STAG1: variants seen among roughly 807,000 people sequenced by gnomAD.
STAG1 encodes STAG1 cohesin complex component.
STAG1 carries 26 observed loss-of-function variants against 170.9 expected under a neutral mutation model. The ratio of observed to expected loss-of-function variants is 0.15; its 90% CI spans 0.11 to 0.21. The LOEUF (loss-of-function observed/expected upper bound fraction) is 0.21, where lower values mean the gene tolerates loss of function less well. Ranked by LOEUF, STAG1 falls within the 10% of genes least tolerant of loss-of-function variation. The pLI, the probability that STAG1 is intolerant of heterozygous loss-of-function variation, is 1.00. For synonymous variants in STAG1, 514 were observed against 497.7 expected (o/e 1.03, Z -0.44); for missense variants, 964 against 1,509.5 (o/e 0.64, Z 5.99).
intron 1 of STAG1, among the ~76,000 whole-genome samples, chr3:136,664,272 G>A (rs1941680021): frequency 1.3e-5 from 2 of 152,110 alleles, no homozygotes; most frequent in South Asian, 4.1e-4. Flanking sequence ...ATATACATGT[G>A]TGTACTAAAT....
chr3:136,677,783 G>A (rs1423690972), intron 1 of STAG1, among the ~76,000 whole-genome samples: 1 of 151,514 alleles, frequency 6.6e-6, no homozygotes, highest in Admixed American at 6.6e-5. Flanking sequence ...AAATTACTCA[G>A]TATAAGGTAT....
intron 20 of STAG1, among the ~76,000 whole-genome samples, chr3:136,420,007 G>A (rs1049423152): frequency 6.6e-6 from 1 of 151,946 alleles, no homozygotes; most frequent in Non-Finnish European, 1.5e-5. Flanking sequence ...CAGCACTTTG[G>A]GAGGCCGAGT....
chr3:136,579,958 ATTTTT>A (rs749325884), intron 4 of STAG1, among the ~76,000 whole-genome samples: 34 of 73,644 alleles, frequency 4.6e-4, no homozygotes, highest in Non-Finnish European at 7.1e-4. Context: ...TACCATCTGA[ATTTTT>A]TTTTTTTTTT....
At chr3:136,521,765 G>T (rs532926384) in intron 6 of STAG1, among the ~76,000 whole-genome samples, 1 of 152,188 alleles carries the variant, frequency 6.6e-6, no homozygotes, top group East Asian at 1.9e-4. Flanking sequence ...AAGGATGATT[G>T]CCAGTTGAAT....
At chr3:136,495,711 A>G (rs751218632) in intron 9 of STAG1, among the ~76,000 whole-genome samples, 9 of 151,984 alleles carry the variant, frequency 5.9e-5, no homozygotes, top group Non-Finnish European at 1.2e-4. Context: ...GCTCATACCT[A>G]TAATTCCAGC....
chr3:136,692,170 C>T (rs533982748), intron 1 of STAG1, among the ~76,000 whole-genome samples: 3 of 151,154 alleles, frequency 2.0e-5, no homozygotes, highest in South Asian at 4.2e-4. Flanking sequence ...AAAAATTAGC[C>T]GGGCATGATG....
intron 4 of STAG1, among the ~76,000 whole-genome samples, chr3:136,597,398 G>A (rs1938478489): frequency 6.6e-6 from 1 of 152,138 alleles, no homozygotes. Flanking sequence ...AGTCTCCAAA[G>A]GAGAATCTGT....
At chr3:136,467,101 A>T (rs2089485537) in intron 12 of STAG1, among the ~76,000 whole-genome samples, 1 of 152,234 alleles carries the variant, frequency 6.6e-6, no homozygotes, top group Non-Finnish European at 1.5e-5. Flanking sequence ...TCAACTAATG[A>T]GCAAAATAAC....
chr3:136,448,539 G>A (rs28396702), intron 14 of STAG1, among the ~76,000 whole-genome samples: 56,881 of 152,008 alleles, frequency 0.37, 11,794 homozygotes, highest in African/African-American at 0.56. Context: ...TTATGATACA[G>A]TTATCTCCAC....
At chr3:136,688,905 G>C (rs1332468625) in intron 1 of STAG1, among the ~76,000 whole-genome samples, 1 of 152,118 alleles carries the variant, frequency 6.6e-6, no homozygotes, top group East Asian at 1.9e-4. Context: ...AAAGCTGTTA[G>C]GTTTCCATAA....
At chr3:136,593,986 A>G (rs1012273734) in intron 4 of STAG1, among the ~76,000 whole-genome samples, 1 of 152,186 alleles carries the variant, frequency 6.6e-6, no homozygotes, top group African/African-American at 2.4e-5. Context: ...ATTTGTTTAT[A>G]ATTACAATCC....
At chr3:136,526,998 C>T (rs575724947) in intron 6 of STAG1, among the ~76,000 whole-genome samples, 2 of 152,228 alleles carry the variant, frequency 1.3e-5, no homozygotes, top group East Asian at 1.9e-4. Flanking sequence ...GTGGGTAACC[C>T]GACCTTTCAC....
At chr3:136,547,233 A>G (rs891339617) in intron 5 of STAG1, among the ~76,000 whole-genome samples, 17 of 152,174 alleles carry the variant, frequency 1.1e-4, no homozygotes, top group African/African-American at 3.6e-4. Flanking sequence ...TATTGTTAAC[A>G]CCTAACATTA....
chr3:136,576,116 C>T (rs1937447625), intron 4 of STAG1, among the ~76,000 whole-genome samples: 1 of 152,024 alleles, frequency 6.6e-6, no homozygotes, highest in Non-Finnish European at 1.5e-5. Context: ...TATAAAGGAA[C>T]GTTTCACTAA....
At chr3:136,472,747 C>T (rs760416221) in intron 11 of STAG1, among the ~76,000 whole-genome samples, 24 of 152,206 alleles carry the variant, frequency 1.6e-4, no homozygotes, top group Admixed American at 1.2e-3. Flanking sequence ...TACAAAATTA[C>T]TATCTTTATA....
At chr3:136,486,715 T>G (rs1349610984) in intron 9 of STAG1, among the ~76,000 whole-genome samples, 1 of 152,152 alleles carries the variant, frequency 6.6e-6, no homozygotes, top group East Asian at 1.9e-4. Context: ...AGTGAAATCA[T>G]TCTTCCATCT....
chr3:136,521,125 T>C (rs1934649592), intron 7 of STAG1, 88 bp downstream of exon 7: 2 of 1,091,354 alleles, frequency 1.8e-6, no homozygotes, highest in Non-Finnish European at 2.6e-6. Flanking sequence ...ATTAAATTTT[T>C]AATTAAATCT....
In STAG1 at chr3:136,396,255, G is replaced by A. The variant is rs1019622895; in HGVS notation, c.2277+2494C>T. ...TTTTGAGACAGAGTCTCGCTCTGTC[G>A]CCCAGGCGGGGGTGCAGCCACGCGA... On this transcript the variant is annotated intron_variant, in intron 22 of 33. Transcript: ENST00000383202. Among the ~76,000 whole-genome samples the A allele has an allele frequency of 5.5e-5, 7 of 127,506 alleles. No individual in the cohort carries two copies. The East Asian group carries it at 1.2e-3, about 22-fold the overall frequency. The allele number at this position is 127,506 out of a possible 152,430, so 83.6% of individuals were successfully genotyped here. A position where few individuals can be genotyped will look rare whatever the true frequency, so the allele number is the denominator to read the frequency against.
At chr3:136,551,641 C>G (rs183652928) in intron 5 of STAG1, among the ~76,000 whole-genome samples, 218 of 151,282 alleles carry the variant, frequency 1.4e-3, no homozygotes, top group African/African-American at 5.2e-3. Flanking sequence ...GAGACAGGAT[C>G]TTGCTCTGTT....
Sources: gnomAD v4.1 joint callset for allele counts (sites outside exome capture counted in the v4.1 genomes callset) on GRCh38, gnomAD v4.1.1 for gene constraint, MANE v1.5 for transcripts, NCBI Gene and HGNC (gene_info 2026-07-23, HGNC 2026-07-21) for gene names.